The following AKAP9 variants were observed in gnomAD, a reference collection of about 807,000 sequenced individuals.
The protein encoded by AKAP9 is A-kinase anchor protein 9.
A neutral mutation model predicts 488.5 loss-of-function variants in AKAP9; 311 were observed. The observed-to-expected ratio is 0.64, with a 90% CI of 0.58 to 0.70. AKAP9 has a LOEUF of 0.70. AKAP9 is among the 30% of genes least tolerant of loss of function. The pLI is 0.00. For synonymous variants in AKAP9, 1,462 were observed against 1,483.5 expected (o/e 0.99, Z 0.33); for missense variants, 4,215 against 4,374.5 (o/e 0.96, Z 1.03).
chr7:91,958,319 G>A (rs1348309255), intron 1 of AKAP9, among the ~76,000 whole-genome samples: 2 of 152,200 alleles, frequency 1.3e-5, no homozygotes, highest in African/African-American at 2.4e-5. Context: ...TGTTGAGAGA[G>A]TGTCTATTTG....
intron 14 of AKAP9, among the ~76,000 whole-genome samples, chr7:92,024,707 A>T (rs1030686649): frequency 7.2e-5 from 11 of 152,094 alleles, no homozygotes; most frequent in Non-Finnish European, 1.6e-4. Flanking sequence ...AGCTCTATAA[A>T]ACCCTCAGAG....
In AKAP9 at chr7:92,000,859, A is replaced by G. The variant is rs1359779722; in HGVS notation, c.942A>G (p.Lys314=). 7.1e-7 allele frequency: 1 copy of G among 1,402,394 alleles called. No individual in the cohort carries two copies. Among genetic ancestry groups the G allele is most frequent in the East Asian group, 2.5e-5 (1 of 39,426 alleles). 86.9% of individuals were successfully genotyped at this position (1,402,394 alleles called of 1,614,324 possible). A position where few individuals can be genotyped will look rare whatever the true frequency, so the allele number is the denominator to read the frequency against. ...TTTTTTTCCTAAAGGAACAAGATAA[A>G]AAAGTAGAAAACTCAAATAAAGAAG... is the stretch of plus-strand genomic sequence containing the variant. The part of the protein sequence containing the change: ...KIKVYEMEQD[K]KVENSNKEEI... The change falls in exon 8 of 50, where the codon AAA becomes AAG. Residue 314 remains lysine, a synonymous_variant. Coordinates refer to ENST00000356239, the MANE Select transcript of AKAP9 (RefSeq NM_005751.5).
intron 7 of AKAP9, among the ~76,000 whole-genome samples, chr7:91,998,338 C>T (rs1798669419): frequency 6.7e-6 from 1 of 150,050 alleles, no homozygotes; most frequent in South Asian, 2.1e-4. Flanking sequence ...ATCCTCCAAA[C>T]TTCCCATTGG....
chr7:92,059,646 C>T (rs1217266210), intron 22 of AKAP9, among the ~76,000 whole-genome samples: 1 of 151,458 alleles, frequency 6.6e-6, no homozygotes, highest in East Asian at 1.9e-4. Flanking sequence ...CAAAAAAAAG[C>T]ATATCCTTTT....
rs759646439 is a variant in AKAP9 at position 92,042,164 on chromosome 7, G to A, written c.5036G>A (p.Arg1679His). ...AGREKLCCEL[R>H]NSSTQTQNGN... ...AGAGAGAAGCTGTGTTGTGAGCTGC[G>A]CAACAGCAGTACGCAAACACAGGTA... The change falls in exon 19 of 50, where the codon CGC becomes CAC. Residue 1679 changes from arginine (R) to histidine (H), a missense_variant. Coordinates refer to ENST00000356239, the MANE Select transcript of AKAP9 (RefSeq NM_005751.5). The A allele has an allele frequency of 1.7e-5, 28 of 1,613,760 alleles. No homozygotes were observed. The highest frequency in any genetic ancestry group is 1.1e-4 in the African/African-American group (8 of 74,904).
In AKAP9 at chr7:92,042,789, T is replaced by C; in HGVS notation, c.5162+18T>C. On this transcript the variant is annotated intron_variant, in intron 20 of 49. Coordinates refer to ENST00000356239, the MANE Select transcript of AKAP9 (RefSeq NM_005751.5). Reference sequence around the variant, plus strand: ...AATGAAAGGTATACAAAATGTGTACTTTTTCAGTGCAAAGTAAATTAAAAT... The same window carrying C: ...AATGAAAGGTATACAAAATGTGTACCTTTTCAGTGCAAAGTAAATTAAAAT... The C allele has an allele frequency of 1.3e-6, 2 of 1,493,608 alleles. No individual in the cohort carries two copies. The highest frequency in any genetic ancestry group is 1.9e-6 in the Non-Finnish European group (2 of 1,071,978). The allele number at this position is 1,493,608 out of a possible 1,614,324, so 92.5% of individuals were successfully genotyped here.
chr7:92,107,352 C>A lies in AKAP9; in HGVS notation c.11476C>A (p.Pro3826Thr). ...SSGGLELYGE[P>T]RHTTYRSRSD... ...TGGTGGGCTGGAGTTATATGGAGAA[C>A]CAAGACATACTACGTATCGCTCAAG... is the stretch of plus-strand genomic sequence containing the variant. Residue 3826 changes from proline (P) to threonine (T), a missense_variant, in exon 48 of 50, where the codon CCA (proline) becomes ACA (threonine). Pro to Thr is a conservative substitution (Grantham distance 38). This residue lies in a region of AKAP9 where 253 missense variants were observed against 266.8 expected (regional missense o/e 0.95). Transcript: ENST00000356239. The A allele has an allele frequency of 6.2e-7, 1 of 1,613,654 alleles. No individual in the cohort carries two copies. The highest frequency in any genetic ancestry group is 8.5e-7 in the Non-Finnish European group (1 of 1,179,734).
intron 21 of AKAP9, among the ~76,000 whole-genome samples, chr7:92,048,310 A>G (rs1476397015): frequency 1.3e-5 from 2 of 152,214 alleles, no homozygotes; most frequent in Non-Finnish European, 2.9e-5. Context: ...TCGATTTTAA[A>G]CATGTATGGA....
At chr7:92,041,450 T>C (rs878903991) in intron 18 of AKAP9, 1 of 154,010 alleles carries the variant, frequency 6.5e-6, no homozygotes, top group Admixed American at 6.4e-5. Flanking sequence ...CTCTTCTTGA[T>C]TTGAGAAATG....
intron 21 of AKAP9, among the ~76,000 whole-genome samples, chr7:92,050,211 C>T (rs1584321928): frequency 6.6e-6 from 1 of 151,862 alleles, no homozygotes; most frequent in East Asian, 1.9e-4. Flanking sequence ...ACTACAGGCA[C>T]GTGCCACCAT....
intron 14 of AKAP9, among the ~76,000 whole-genome samples, chr7:92,025,343 T>C (rs570012607): frequency 1.3e-4 from 20 of 152,202 alleles, no homozygotes; most frequent in Non-Finnish European, 2.4e-4. Flanking sequence ...TAATACTCCA[T>C]GGAAATGTGT....
rs375975524 is a variant in AKAP9 at position 91,992,125 on chromosome 7, A to T, written c.352-33A>T. 2.1e-5 allele frequency: 32 copies of T among 1,509,908 alleles called. No homozygotes were observed. In the African/African-American group the frequency reaches 2.9e-4, roughly 14 times the overall value. The allele number at this position is 1,509,908 out of a possible 1,614,324, so 93.5% of individuals were successfully genotyped here. On this transcript the variant is annotated intron_variant, in intron 3 of 49. Coordinates refer to ENST00000356239, the MANE Select transcript of AKAP9 (RefSeq NM_005751.5). ...TTAGCTAAATAAAATTATGTCTAAG[A>T]TCATAATATATCAGGAAATTGTTTT...
intron 1 of AKAP9, among the ~76,000 whole-genome samples, chr7:91,963,217 G>A (rs1166985418): frequency 3.3e-5 from 5 of 152,056 alleles, no homozygotes; most frequent in Non-Finnish European, 5.9e-5. Flanking sequence ...GTGCATTCCA[G>A]TTTCTTAATG....
intron 7 of AKAP9, among the ~76,000 whole-genome samples, chr7:91,998,024 A>G (rs1301393091): frequency 6.6e-6 from 1 of 152,162 alleles, no homozygotes; most frequent in Non-Finnish European, 1.5e-5. Flanking sequence ...CGTGGAAGAC[A>G]CTTTTTCCAC....
intron 22 of AKAP9, chr7:92,057,712 T>A (rs1809032072): frequency 4.5e-6 from 1 of 220,248 alleles, no homozygotes; most frequent in African/African-American, 2.2e-5. Context: ...GATTTCAAAC[T>A]TGACCTTCCC....
In AKAP9 at chr7:92,003,228, C is replaced by T; in HGVS notation, c.3311C>T (p.Ser1104Leu). ...KLQKELNVLKSEQNDLRLQME... is the reference protein window; with the variant it reads ...KLQKELNVLKLEQNDLRLQME... ...CAGAAAGAACTCAATGTACTTAAATCAGAACAGGTATGTTTACTTCTTCAT... is the reference window on the plus strand; with the variant it reads ...CAGAAAGAACTCAATGTACTTAAATTAGAACAGGTATGTTTACTTCTTCAT... Residue 1104 changes from serine to leucine, a missense_variant, in exon 8 of 50, where the codon TCA becomes TTA. By Grantham distance (145) the Ser-to-Leu change is moderately radical. Around this residue, in one of 5 missense-constraint regions of AKAP9, gnomAD observed 2,361 missense variants for 2,430.0 expected, o/e 0.97. Transcript: ENST00000356239. 1 of 1,589,570 alleles carries T rather than the reference C, an allele frequency of 6.3e-7. No homozygotes were observed. The highest frequency in any genetic ancestry group is 1.1e-5 in the South Asian group (1 of 89,864).
chr7:92,071,388 GTT>G (rs199723894), intron 28 of AKAP9, among the ~76,000 whole-genome samples: 14 of 142,596 alleles, frequency 9.8e-5, no homozygotes, highest in African/African-American at 1.8e-4. Context: ...TTGCTGTGTG[GTT>G]TTTTTTTTTT....
intron 7 of AKAP9, among the ~76,000 whole-genome samples, chr7:92,000,128 C>A (rs1798967700): frequency 6.6e-6 from 1 of 152,184 alleles, no homozygotes; most frequent in South Asian, 2.1e-4. Context: ...TGGGCGTAGC[C>A]CTATCTCCAT....
At chr7:92,063,662 T>C (rs1011578582) in intron 24 of AKAP9, among the ~76,000 whole-genome samples, 1 of 152,208 alleles carries the variant, frequency 6.6e-6, no homozygotes, top group African/African-American at 2.4e-5. Flanking sequence ...TAAACTTTTC[T>C]TACAATAAAA....
Sources: allele counts gnomAD v4.1 joint callset (sites outside exome capture counted in the v4.1 genomes callset), GRCh38; gene constraint gnomAD v4.1.1; regional missense constraint gnomAD v4.1.1; transcripts MANE v1.5; gene names NCBI Gene and HGNC (gene_info 2026-07-23, HGNC 2026-07-21).